The following AFF1 variants were observed in gnomAD, a reference collection of about 807,000 sequenced individuals.
AFF1 encodes ALF transcription elongation factor 1, also known as AF4/FMR2 family member 1.
Under a neutral mutation model 121.7 loss-of-function variants are expected in AFF1, and 48 were observed. The ratio of observed to expected loss-of-function variants is 0.39; its 90% confidence interval spans 0.31 to 0.50. The LOEUF (loss-of-function observed/expected upper bound fraction) is 0.50. AFF1 is among the 20% of genes least tolerant of loss of function. The pLI is 0.76. For missense variants in AFF1, 1,523 were observed against 1,511.7 expected (o/e 1.01, Z -0.12); for synonymous variants, 613 against 563.0 (o/e 1.09, Z -1.26).
rs70953629 is a variant in AFF1 at position 86,969,879 on chromosome 4, C to CAAAAAA, written c.38+21321_38+21326dup. Among the ~76,000 whole-genome samples, 442 of 63,534 alleles carry CAAAAAA rather than the reference C, an allele frequency of 7.0e-3. 55 individuals are homozygous for CAAAAAA. Among genetic ancestry groups the CAAAAAA allele is most frequent in the African/African-American group, 0.019 (354 of 18,586 alleles). The allele number at this position is 63,534 out of a possible 152,430, so 41.7% of individuals were successfully genotyped here. On this transcript the variant is annotated intron_variant, in intron 2 of 20. Transcript: ENST00000395146. ...TGGGCGGAAGAGCGAGACTCCGTCT[C>CAAAAAA]AAAAAAAAAAAAAAAAAAGGTAAGA... is the stretch of plus-strand genomic sequence containing the variant.
chr4:87,082,470 A>C (rs1198766631), intron 4 of AFF1, among the ~76,000 whole-genome samples: 1 of 152,168 alleles, frequency 6.6e-6, no homozygotes. Context: ...GTTATACCTG[A>C]CTTCAAGACT....
At chr4:87,085,103 C>T (rs912666181) in intron 5 of AFF1, among the ~76,000 whole-genome samples, 5 of 152,162 alleles carry the variant, frequency 3.3e-5, no homozygotes, top group African/African-American at 1.2e-4. Flanking sequence ...TTTGTGCTTC[C>T]ACAAATATGT....
chr4:87,033,985 C>T, intron 2 of AFF1, among the ~76,000 whole-genome samples: 1 of 152,122 alleles, frequency 6.6e-6, no homozygotes, highest in Non-Finnish European at 1.5e-5. Flanking sequence ...CAGCCACATG[C>T]ATTCTTCCTT....
chr4:86,998,510 C>T (rs918970014), intron 2 of AFF1, among the ~76,000 whole-genome samples: 1 of 152,156 alleles, frequency 6.6e-6, no homozygotes, highest in African/African-American at 2.4e-5. Context: ...TCTGACTGTT[C>T]CATTCAGAGA....
chr4:86,963,018 T>C (rs944059795), intron 2 of AFF1, among the ~76,000 whole-genome samples: 1 of 151,814 alleles, frequency 6.6e-6, no homozygotes, highest in Non-Finnish European at 1.5e-5. Flanking sequence ...ATACAAAAAT[T>C]AGCCAGGCGT....
intron 4 of AFF1, among the ~76,000 whole-genome samples, chr4:87,072,362 CA>C (rs533054826): frequency 0.49 from 53,003 of 108,754 alleles, 10,526 homozygotes; most frequent in South Asian, 0.51. Flanking sequence ...GACTCCGTCT[CA>C]AAAAAAAAAA....
chr4:87,113,427 C>G (rs1358505064), intron 11 of AFF1, among the ~76,000 whole-genome samples: 2 of 152,118 alleles, frequency 1.3e-5, no homozygotes, highest in Non-Finnish European at 2.9e-5. Flanking sequence ...CGTGCCACCT[C>G]TCCTGGCTAA....
At chr4:87,133,083 T>TA (rs1352682985) in intron 19 of AFF1, among the ~76,000 whole-genome samples, 1 of 152,226 alleles carries the variant, frequency 6.6e-6, no homozygotes, top group Non-Finnish European at 1.5e-5. Context: ...TCTCTCTCTG[T>TA]ATGTATGGAC....
At chr4:87,130,390 A>G (rs896741280) in intron 16 of AFF1, among the ~76,000 whole-genome samples, 1 of 152,238 alleles carries the variant, frequency 6.6e-6, no homozygotes, top group African/African-American at 2.4e-5. Context: ...AGAGAAAGAC[A>G]GTTGCATCAC....
chr4:87,035,654 T>C (rs1729494770), intron 2 of AFF1, among the ~76,000 whole-genome samples: 1 of 152,176 alleles, frequency 6.6e-6, no homozygotes, highest in African/African-American at 2.4e-5. Context: ...ATCAGGTTTA[T>C]GATTTTTAGA....
At chr4:87,117,880 G>C (rs956276356) in intron 12 of AFF1, among the ~76,000 whole-genome samples, 6 of 152,160 alleles carry the variant, frequency 3.9e-5, no homozygotes, top group African/African-American at 1.4e-4. Flanking sequence ...CTGACTGCTT[G>C]TTAGGGCTCT....
intron 1 of AFF1, among the ~76,000 whole-genome samples, chr4:86,937,732 C>T (rs979962770): frequency 2.0e-5 from 3 of 146,714 alleles, no homozygotes; most frequent in Admixed American, 1.4e-4. Context: ...CAAGCATATG[C>T]CACCATGCCC....
chr4:87,098,598 C>T (rs994815039), intron 8 of AFF1, among the ~76,000 whole-genome samples: 1 of 152,148 alleles, frequency 6.6e-6, no homozygotes, highest in Non-Finnish European at 1.5e-5. Flanking sequence ...ACTAAAAAAG[C>T]AATTTATTTG....
At chr4:86,972,364 A>G (rs180771556) in intron 2 of AFF1, among the ~76,000 whole-genome samples, 10 of 152,182 alleles carry the variant, frequency 6.6e-5, no homozygotes, top group South Asian at 2.1e-4. Context: ...ACTGTCTACT[A>G]TGGTAGTCAT....
At chr4:87,075,048 T>C (rs770252143) in intron 4 of AFF1, among the ~76,000 whole-genome samples, 1 of 152,214 alleles carries the variant, frequency 6.6e-6, no homozygotes, top group Non-Finnish European at 1.5e-5. Context: ...TTTTATATGC[T>C]TTAGAAAAAT....
intron 4 of AFF1, among the ~76,000 whole-genome samples, chr4:87,054,131 A>G (rs961684386): frequency 6.6e-6 from 1 of 152,266 alleles, no homozygotes; most frequent in African/African-American, 2.4e-5. Flanking sequence ...TTGGCAGCAC[A>G]TCAGAATCAC....
At chr4:87,016,132 G>C (rs1233559132) in intron 2 of AFF1, among the ~76,000 whole-genome samples, 1 of 152,024 alleles carries the variant, frequency 6.6e-6, no homozygotes, top group African/African-American at 2.4e-5. Flanking sequence ...AGTTAGCCAA[G>C]ATCATGCCGT....
At chr4:86,949,163 A>T (rs986349466) in intron 2 of AFF1, among the ~76,000 whole-genome samples, 2 of 139,818 alleles carry the variant, frequency 1.4e-5, no homozygotes, top group East Asian at 2.2e-4. Flanking sequence ...GCTATTCAAA[A>T]ATATATATAT....
chr4:86,968,212 C>A (rs1392763056), intron 2 of AFF1, among the ~76,000 whole-genome samples: 3 of 152,166 alleles, frequency 2.0e-5, no homozygotes, highest in Non-Finnish European at 4.4e-5. Flanking sequence ...AAGATACAAC[C>A]TTTTATTATG....
Sources: allele counts gnomAD v4.1 joint callset (sites outside exome capture counted in the v4.1 genomes callset), GRCh38; gene constraint gnomAD v4.1.1; transcripts MANE v1.5; gene names NCBI Gene and HGNC (gene_info 2026-07-23, HGNC 2026-07-21).